VPS41: variants seen among roughly 807,000 people sequenced by gnomAD.
The protein encoded by VPS41 is vacuolar protein sorting-associated protein 41 homolog.
VPS41 carries 85 observed loss-of-function variants against 130.9 expected under a neutral mutation model. That is an observed-to-expected ratio of 0.65 (90% CI 0.55 to 0.78). The LOEUF (loss-of-function observed/expected upper bound fraction) is 0.78, where lower values mean the gene tolerates loss of function less well. Among genes scored for constraint, VPS41 ranks in the 30% least tolerant of loss-of-function variants. The probability of loss-of-function intolerance (pLI) is 0.00; values close to 1 mark genes in which losing one functional copy is unlikely to be tolerated. For synonymous variants in VPS41, 335 were observed against 332.9 expected, an observed-to-expected ratio of 1.01 and a Z score of -0.07; for missense variants, 874 against 1,018.7, an observed-to-expected ratio of 0.86 and a Z score of 1.93.
chr7:38,854,805 T>C (rs1785943009), intron 4 of VPS41, among the ~76,000 whole-genome samples: 1 of 150,122 alleles, frequency 6.7e-6, no homozygotes, highest in South Asian at 2.1e-4. Flanking sequence ...AAAATGACAT[T>C]GAGGCATATA....
Position 38,869,261 on chromosome 7 carries a change from A to G in VPS41, c.61-8T>C. ...CTCTTCGCTCTCTTCTTCCTGCACAAACGGCAAAGAAAAATGACACCCGTC... is the reference window on the plus strand; with the variant it reads ...CTCTTCGCTCTCTTCTTCCTGCACAGACGGCAAAGAAAAATGACACCCGTC... On this transcript the variant is annotated splice_region_variant and splice_polypyrimidine_tract_variant and intron_variant, in intron 2 of 28. Transcript: ENST00000310301. 1.9e-6 allele frequency: 3 copies of G among 1,595,406 alleles called. No individual in the cohort carries two copies. The highest frequency in any genetic ancestry group is 2.6e-6 in the Non-Finnish European group (3 of 1,169,980).
intron 12 of VPS41, among the ~76,000 whole-genome samples, chr7:38,773,558 A>G (rs1288211980): frequency 6.6e-6 from 1 of 152,216 alleles, no homozygotes; most frequent in South Asian, 2.1e-4. Flanking sequence ...CAAGGGTATG[A>G]TAACAGCCAA....
In VPS41 at chr7:38,772,556, T is replaced by C; in HGVS notation, c.1094A>G (p.His365Arg). ...VVAKERDQDD[H>R]IDWLLEKKKY... ...CTTCTTTTCAAGGAGCCAGTCAATGTGATCATCTTGGTCTCGTTCCTTGGC... is the reference window on the plus strand; with the variant it reads ...CTTCTTTTCAAGGAGCCAGTCAATGCGATCATCTTGGTCTCGTTCCTTGGC... The change falls in exon 13 of 29, where the codon CAC becomes CGC. Residue 365 changes from histidine to arginine, a missense_variant. Coordinates refer to ENST00000310301, the MANE Select transcript of VPS41 (RefSeq NM_014396.4). 6.2e-7 allele frequency: 1 copy of C among 1,613,544 alleles called. No homozygotes were observed. Among genetic ancestry groups the C allele is most frequent in the Non-Finnish European group, 8.5e-7 (1 of 1,179,602 alleles).
At chr7:38,735,071 G>A (rs1208787701) in intron 25 of VPS41, among the ~76,000 whole-genome samples, 1 of 152,184 alleles carries the variant, frequency 6.6e-6, no homozygotes, top group African/African-American at 2.4e-5. Context: ...ATTTCTAATA[G>A]CACAAAGTAT....
intron 12 of VPS41, among the ~76,000 whole-genome samples, chr7:38,773,644 C>T (rs4720302): frequency 0.99 from 151,362 of 152,302 alleles, 75,219 homozygotes; most frequent in African/African-American, 1. Flanking sequence ...TGTATTTCTC[C>T]GTCCACTCAA....
intron 22 of VPS41, among the ~76,000 whole-genome samples, chr7:38,748,776 G>T (rs139863447): frequency 2.6e-5 from 4 of 151,890 alleles, no homozygotes; most frequent in Admixed American, 2.0e-4. Flanking sequence ...TTTTAAACCT[G>T]AAAATGATTC....
chr7:38,817,895 C>A lies in VPS41; in HGVS notation c.385-13G>T. On this transcript the variant is annotated splice_polypyrimidine_tract_variant and intron_variant, in intron 6 of 28. Coordinates refer to ENST00000310301, the MANE Select transcript of VPS41 (RefSeq NM_014396.4). Reference sequence around the variant, plus strand: ...GCACAGCAATAATCTACAAGAGAAACAGAACCCAACTCTGGTTTAGGAGTC... The same window carrying A: ...GCACAGCAATAATCTACAAGAGAAAAAGAACCCAACTCTGGTTTAGGAGTC... 1 of 1,612,304 alleles carries A rather than the reference C, an allele frequency of 6.2e-7. No individual in the cohort carries two copies. The highest frequency in any genetic ancestry group is 1.1e-5 in the South Asian group (1 of 91,042).
At chr7:38,806,956 A>G (rs1037353248) in intron 7 of VPS41, among the ~76,000 whole-genome samples, 2 of 152,070 alleles carry the variant, frequency 1.3e-5, no homozygotes, top group Non-Finnish European at 2.9e-5. Flanking sequence ...AAGCAAGACC[A>G]CTCCATAATC....
chr7:38,783,385 A>G (rs2115907755), intron 10 of VPS41, among the ~76,000 whole-genome samples: 1 of 151,364 alleles, frequency 6.6e-6, no homozygotes, highest in Admixed American at 6.6e-5. Context: ...AAATACAAAA[A>G]TTAGCCAAGC....
At chr7:38,751,223 G>A (rs1783666601) in intron 22 of VPS41, among the ~76,000 whole-genome samples, 1 of 152,204 alleles carries the variant, frequency 6.6e-6, no homozygotes, top group Non-Finnish European at 1.5e-5. Context: ...GAAGTTGTAA[G>A]TGTACATAAA....
chr7:38,893,822 A>G (rs142908028), intron 2 of VPS41, among the ~76,000 whole-genome samples: 1 of 152,356 alleles, frequency 6.6e-6, no homozygotes, highest in African/African-American at 2.4e-5. Context: ...CCTTTACATT[A>G]ATAATACTAA....
intron 4 of VPS41, among the ~76,000 whole-genome samples, chr7:38,845,798 T>C (rs1785710792): frequency 6.6e-6 from 1 of 152,216 alleles, no homozygotes; most frequent in Non-Finnish European, 1.5e-5. Context: ...TTGGTTCTGA[T>C]ACCCCTGTGA....
intron 10 of VPS41, among the ~76,000 whole-genome samples, chr7:38,781,117 AGGAATGCAAGAAT>A (rs1251836075): frequency 6.6e-6 from 1 of 152,230 alleles, no homozygotes; most frequent in Non-Finnish European, 1.5e-5. Context: ...ATTTCTTTAT[AGGAATGCAAGAAT>A]GGACTACACC....
intron 5 of VPS41, among the ~76,000 whole-genome samples, chr7:38,825,927 T>C (rs1785265376): frequency 6.6e-6 from 1 of 152,066 alleles, no homozygotes; most frequent in Admixed American, 6.5e-5. Flanking sequence ...GTGGCCAGAG[T>C]ACTATATGAC....
At chr7:38,842,547 G>T (rs1168298041) in intron 4 of VPS41, among the ~76,000 whole-genome samples, 1 of 152,006 alleles carries the variant, frequency 6.6e-6, no homozygotes, top group Non-Finnish European at 1.5e-5. Context: ...ATATATAGTC[G>T]TCCTACTGAT....
At position 38,728,932 on chromosome 7, in the gene VPS41, A is replaced by T. The variant is rs1041563556; in HGVS notation, c.2260-141T>A. On this transcript the variant is annotated intron_variant, in intron 25 of 28. Coordinates refer to ENST00000310301, the MANE Select transcript of VPS41 (RefSeq NM_014396.4). ...ACTCACTGATTCTCTTGCCCTCAGT[A>T]CCCTCTTCCTGCCAAACCACTGCCA... 1.4e-5 allele frequency: 10 copies of T among 727,660 alleles called. 1 individual carries two copies. In the South Asian group the frequency reaches 1.7e-4, roughly 12 times the overall value. 45.1% of individuals were successfully genotyped at this position (727,660 alleles called of 1,614,324 possible).
intron 2 of VPS41, among the ~76,000 whole-genome samples, chr7:38,891,173 T>G (rs1309465368): frequency 6.6e-6 from 1 of 152,108 alleles, no homozygotes; most frequent in Non-Finnish European, 1.5e-5. Flanking sequence ...GACATACCAT[T>G]TCATTCTGGG....
intron 1 of VPS41, among the ~76,000 whole-genome samples, chr7:38,901,600 C>T: frequency 6.6e-6 from 1 of 152,148 alleles, no homozygotes; most frequent in East Asian, 1.9e-4. Flanking sequence ...ACCAAGCCAT[C>T]GTGAGAGATC....
At position 38,726,937 on chromosome 7, in the gene VPS41, T is replaced by G; in HGVS notation, c.2456A>C (p.His819Pro). The change falls in exon 28 of 29, where the codon CAC becomes CCC. Residue 819 changes from histidine (H) to proline (P), a missense_variant. By Grantham distance (77) the His-to-Pro change is moderately conservative. Coordinates refer to ENST00000310301, the MANE Select transcript of VPS41 (RefSeq NM_014396.4). The part of the protein sequence containing the change: ...VVVFHCRHMF[H>P]KECLPMPSMN... ...GCTGGGCATGGGCAGGCACTCCTTG[T>G]GGAACATGTGCCGGCAATGGAAGAC... The G allele has an allele frequency of 6.3e-7, 1 of 1,589,600 alleles. No individual in the cohort carries two copies. Among genetic ancestry groups the G allele is most frequent in the Non-Finnish European group, 8.6e-7 (1 of 1,167,892 alleles).
Sources: allele counts gnomAD v4.1 joint callset (sites outside exome capture counted in the v4.1 genomes callset), GRCh38; gene constraint gnomAD v4.1.1; transcripts MANE v1.5; gene names NCBI Gene and HGNC (gene_info 2026-07-23, HGNC 2026-07-21).